The following ADAMTS3 variants were observed in gnomAD, a reference collection of about 807,000 sequenced individuals.
ADAMTS3 encodes A disintegrin and metalloproteinase with thrombospondin motifs 3.
ADAMTS3 carries 73 observed loss-of-function variants against 129.0 expected under a neutral mutation model. That is an observed-to-expected ratio of 0.57 (90% confidence interval 0.47 to 0.69). ADAMTS3 has a LOEUF of 0.69. Ranked by LOEUF, ADAMTS3 falls within the 30% of genes least tolerant of loss-of-function variation. The probability of loss-of-function intolerance (pLI) is 0.00; values close to 1 mark genes in which losing one functional copy is unlikely to be tolerated. For missense variants in ADAMTS3, 1,457 were observed against 1,514.5 expected (o/e 0.96, Z 0.63); for synonymous variants, 477 against 510.8 (o/e 0.93, Z 0.89).
chr4:72,523,782 G>A (rs1720736076), intron 3 of ADAMTS3, among the ~76,000 whole-genome samples: 1 of 151,894 alleles, frequency 6.6e-6, no homozygotes, highest in Non-Finnish European at 1.5e-5. Context: ...TAGATCATAC[G>A]AAAAGATGAA....
chr4:72,434,132 C>T (rs1043448944), intron 3 of ADAMTS3, among the ~76,000 whole-genome samples: 11 of 151,834 alleles, frequency 7.2e-5, no homozygotes, highest in African/African-American at 2.7e-4. Context: ...TGCTGATCTG[C>T]ACCCTGAGAT....
chr4:72,540,921 G>C (rs1177594943), intron 3 of ADAMTS3, among the ~76,000 whole-genome samples: 3 of 152,264 alleles, frequency 2.0e-5, no homozygotes, highest in African/African-American at 7.2e-5. Context: ...TGCTAGGGCA[G>C]TGCAGAAGGG....
At chr4:72,343,330 T>C (rs1720189364) in intron 4 of ADAMTS3, among the ~76,000 whole-genome samples, 1 of 152,156 alleles carries the variant, frequency 6.6e-6, no homozygotes, top group Non-Finnish European at 1.5e-5. Flanking sequence ...AGCATTCACC[T>C]AGCAAGTTTC....
At chr4:72,541,547 T>C (rs868088250) in intron 3 of ADAMTS3, among the ~76,000 whole-genome samples, 5 of 152,336 alleles carry the variant, frequency 3.3e-5, no homozygotes, top group Middle Eastern at 3.4e-3. Flanking sequence ...TGATATGGTT[T>C]GGCTGTGTCC....
At chr4:72,549,709 C>T (rs1158772442) in intron 2 of ADAMTS3, among the ~76,000 whole-genome samples, 2 of 151,662 alleles carry the variant, frequency 1.3e-5, no homozygotes, top group South Asian at 2.1e-4. Flanking sequence ...GGACAGATAT[C>T]TATTAGAATA....
chr4:72,524,207 A>G (rs1244534652), intron 3 of ADAMTS3, among the ~76,000 whole-genome samples: 1 of 152,186 alleles, frequency 6.6e-6, no homozygotes, highest in Non-Finnish European at 1.5e-5. Context: ...AGCCTTCAAC[A>G]AAAAGACAAA....
At chr4:72,410,137 C>T (rs1330688284) in intron 4 of ADAMTS3, among the ~76,000 whole-genome samples, 1 of 152,154 alleles carries the variant, frequency 6.6e-6, no homozygotes, top group Non-Finnish European at 1.5e-5. Flanking sequence ...CTTCCAAATA[C>T]AGCAGGTTAG....
At chr4:72,388,222 T>C (rs976491763) in intron 4 of ADAMTS3, among the ~76,000 whole-genome samples, 1 of 152,176 alleles carries the variant, frequency 6.6e-6, no homozygotes, top group African/African-American at 2.4e-5. Context: ...AAAAGGCTGG[T>C]GCTCCCAAAC....
At chr4:72,498,332 C>A (rs1046156055) in intron 3 of ADAMTS3, among the ~76,000 whole-genome samples, 3 of 151,726 alleles carry the variant, frequency 2.0e-5, no homozygotes, top group Admixed American at 2.0e-4. Context: ...AATGACATCA[C>A]GAGCTCTACT....
chr4:72,328,897 A>G (rs890856271), intron 5 of ADAMTS3, among the ~76,000 whole-genome samples: 28 of 152,186 alleles, frequency 1.8e-4, no homozygotes, highest in African/African-American at 6.8e-4. Context: ...ACTATCTCTT[A>G]CGTAGGTAAA....
At chr4:72,324,034 TACCAGGCTAGAATGCAAAGTTCTTAG>T (rs1378922317) in intron 5 of ADAMTS3, among the ~76,000 whole-genome samples, 1 of 152,096 alleles carries the variant, frequency 6.6e-6, no homozygotes, top group East Asian at 1.9e-4. Flanking sequence ...AAGGTGGAGT[TACCAGGCTAGAATGCAAAGTTCTTAG>T]AATGAAGACT....
chr4:72,548,535 A>G lies in ADAMTS3; in HGVS notation c.447T>C (p.Val149=), dbSNP rs1261631111. ...TTCCTGGAATGTCCACGATGTCACCAACATAAGCACAGTTAGTCTGCAAAG... is the reference window on the plus strand; with the variant it reads ...TTCCTGGAATGTCCACGATGTCACCGACATAAGCACAGTTAGTCTGCAAAG... ...TEPLQTNCAY[V]GDIVDIPGTS... The change falls in exon 3 of 22, where the codon GTT becomes GTC. Residue 149 remains valine (V), a synonymous_variant. Coordinates refer to ENST00000286657, the MANE Select transcript of ADAMTS3 (RefSeq NM_014243.3). 8 of 1,613,794 alleles carry G rather than the reference A, an allele frequency of 5.0e-6. No homozygotes were observed. The highest frequency in any genetic ancestry group is 6.8e-6 in the Non-Finnish European group (8 of 1,179,868).
rs115740375 is a variant in ADAMTS3, at chr4:72,375,961, G to A, written c.662-36268C>T. Among the ~76,000 whole-genome samples, 299 of 152,262 alleles carry A rather than the reference G, an allele frequency of 2.0e-3. 1 individual carries two copies. The highest frequency in any genetic ancestry group is 0.014 in the Middle Eastern group (4 of 294). On this transcript the variant is annotated intron_variant, in intron 4 of 21. Transcript: ENST00000286657. ...ACAGATGACGCAGAAGTTGCAAGGT[G>A]AGATAACAATTTATATGGAGAAGAA...
intron 6 of ADAMTS3, 54 bp from the exon 7 acceptor site, chr4:72,320,924 T>C: frequency 1.3e-6 from 2 of 1,547,150 alleles, no homozygotes; most frequent in Non-Finnish European, 1.8e-6. Flanking sequence ...AAAGGCTTCG[T>C]TTGATAATTT....
chr4:72,438,866 A>G (rs1718037573), intron 3 of ADAMTS3, among the ~76,000 whole-genome samples: 3 of 151,722 alleles, frequency 2.0e-5, no homozygotes, highest in Admixed American at 2.0e-4. Flanking sequence ...GTGCTAAGAC[A>G]TCAAAAAAGA....
At chr4:72,470,382 C>T (rs1008420049) in intron 3 of ADAMTS3, among the ~76,000 whole-genome samples, 1,490 of 70,540 alleles carry the variant, frequency 0.021, 15 homozygotes, top group South Asian at 0.051. Context: ...TATATACACA[C>T]ACACACACAC....
chr4:72,567,259 G>A, intron 2 of ADAMTS3, 115 bp downstream of exon 2: 1 of 1,057,006 alleles, frequency 9.5e-7, no homozygotes, highest in Non-Finnish European at 1.4e-6. Flanking sequence ...CCGGACTACA[G>A]ATTATTTTTT....
chr4:72,532,716 A>G (rs1053672217), intron 3 of ADAMTS3, among the ~76,000 whole-genome samples: 4 of 152,198 alleles, frequency 2.6e-5, no homozygotes, highest in Admixed American at 6.5e-5. Context: ...ATGGCACAAC[A>G]TATTGCTCCC....
chr4:72,309,329 A>C, intron 15 of ADAMTS3, 68 bp downstream of exon 15: 1 of 1,523,038 alleles, frequency 6.6e-7, no homozygotes, highest in East Asian at 2.3e-5. Context: ...TGCATTTCTA[A>C]AGGAAGAAGC....
Sources: allele counts gnomAD v4.1 joint callset (sites outside exome capture counted in the v4.1 genomes callset), GRCh38; gene constraint gnomAD v4.1.1; transcripts MANE v1.5; gene names NCBI Gene and HGNC (gene_info 2026-07-23, HGNC 2026-07-21).